Variants in ADAP2 observed in about 807,000 individuals in gnomAD.
ADAP2 encodes the protein arf-GAP with dual PH domain-containing protein 2.
Under a neutral mutation model 54.9 loss-of-function variants are expected in ADAP2, and 42 were observed. The ratio of observed to expected loss-of-function variants is 0.77; its 90% CI spans 0.60 to 0.99. The LOEUF (loss-of-function observed/expected upper bound fraction) is 0.99. Ranked by LOEUF, ADAP2 falls within the 50% of genes least tolerant of loss-of-function variation. The pLI is 0.00. For synonymous variants in ADAP2, 177 were observed against 180.1 expected, an observed-to-expected ratio of 0.98 and a Z score of 0.14; for missense variants, 429 against 480.4, an observed-to-expected ratio of 0.89 and a Z score of 1.00.
chr17:30,933,518 C>T (rs1275772109), intron 4 of ADAP2, among the ~76,000 whole-genome samples: 2 of 147,784 alleles, frequency 1.4e-5, no homozygotes, highest in South Asian at 2.2e-4. Flanking sequence ...AGCAGATGCC[C>T]GGAGGGAGTC....
intron 9 of ADAP2, among the ~76,000 whole-genome samples, chr17:30,955,022 G>A (rs952563109): frequency 1.3e-5 from 2 of 152,060 alleles, no homozygotes; most frequent in African/African-American, 4.8e-5. Context: ...CCCAGAGGTT[G>A]CCATGATGGT....
chr17:30,932,325 C>T (rs907055739), intron 4 of ADAP2, among the ~76,000 whole-genome samples: 2 of 151,454 alleles, frequency 1.3e-5, no homozygotes, highest in Non-Finnish European at 2.9e-5. Flanking sequence ...TTCAATCTCC[C>T]GGGCTCACAT....
chr17:30,944,218 C>T (rs1912486034), intron 5 of ADAP2, among the ~76,000 whole-genome samples: 1 of 152,134 alleles, frequency 6.6e-6, no homozygotes. Context: ...AGAATGAGAT[C>T]ATGTTCTCTC....
At chr17:30,935,510 C>T (rs1243766769) in intron 5 of ADAP2, among the ~76,000 whole-genome samples, 4 of 152,072 alleles carry the variant, frequency 2.6e-5, no homozygotes, top group African/African-American at 9.7e-5. Context: ...CAAATGTGAG[C>T]ACTGAGTTAC....
Position 30,954,474 on chromosome 17 carries a change from G to T in ADAP2, c.805-4G>T, listed in dbSNP as rs757049256. The T allele has an allele frequency of 1.2e-6, 2 of 1,613,900 alleles. No individual in the cohort carries two copies. The highest frequency in any genetic ancestry group is 2.2e-5 in the South Asian group (2 of 91,084). On this transcript the variant is annotated splice_polypyrimidine_tract_variant and splice_region_variant and intron_variant, in intron 8 of 10. Transcript: ENST00000330889. ...TCTGTGGTAAGAAGTTCCCTCTTTT[G>T]CAGCAGAAAGAACCTTTCAAGAAAA...
chr17:30,954,417 CT>C (rs1904905285), intron 8 of ADAP2, 60 bp from the exon 9 acceptor site: 3 of 1,502,996 alleles, frequency 2.0e-6, no homozygotes, highest in Admixed American at 3.3e-5. Flanking sequence ...GGGCTGGCCC[CT>C]GACCTCTATC....
intron 4 of ADAP2, among the ~76,000 whole-genome samples, chr17:30,932,893 A>C (rs188414114): frequency 6.6e-6 from 1 of 152,254 alleles, no homozygotes; most frequent in East Asian, 1.9e-4. Context: ...AAATTGCAGA[A>C]AGACTCCTCC....
At chr17:30,931,774 T>C in intron 3 of ADAP2, 115 bp from the exon 4 acceptor site, 1 of 676,152 alleles carries the variant, frequency 1.5e-6, no homozygotes, top group South Asian at 1.9e-5. Context: ...TGAGCCGTGA[T>C]CACGTGATCA....
At chr17:30,949,181 T>G in intron 6 of ADAP2, 106 bp from the exon 7 acceptor site, 1 of 842,468 alleles carries the variant, frequency 1.2e-6, no homozygotes, top group Non-Finnish European at 2.0e-6. Flanking sequence ...GTGCTGAATA[T>G]ATGTGCCCCA....
In ADAP2 at chr17:30,934,258, G is replaced by A. The variant is rs765096320; in HGVS notation, c.471G>A (p.Leu157=). 2 of 1,614,006 alleles carry A rather than the reference G, an allele frequency of 1.2e-6. No homozygotes were observed. Among genetic ancestry groups the A allele is most frequent in the East Asian group, 4.5e-5 (2 of 44,868 alleles). The change falls in exon 5 of 11, where the codon CTG becomes CTA. Residue 157 remains leucine (L), a synonymous_variant. Transcript: ENST00000330889. ...SQFLRRKFVL[L]AREGLLKYFT... The stretch of plus-strand genomic sequence containing the variant: ...TTCTGAGAAGGAAGTTTGTACTTCT[G>A]GCAAGAGAAGGCCTCCTGAAGTACT...
chr17:30,936,058 C>T (rs1176906723), intron 5 of ADAP2, among the ~76,000 whole-genome samples: 1 of 152,156 alleles, frequency 6.6e-6, no homozygotes, highest in African/African-American at 2.4e-5. Flanking sequence ...TGTAATCCCC[C>T]ACCCCACCCC....
chr17:30,925,341 C>T (rs780494431), intron 2 of ADAP2, among the ~76,000 whole-genome samples: 16 of 151,666 alleles, frequency 1.1e-4, no homozygotes, highest in Non-Finnish European at 2.2e-4. Context: ...AGGCGCCCGC[C>T]ACCATGCCCG....
At chr17:30,950,429 C>T (rs1479721167) in intron 7 of ADAP2, among the ~76,000 whole-genome samples, 2 of 152,170 alleles carry the variant, frequency 1.3e-5, no homozygotes, top group Admixed American at 1.3e-4. Context: ...CCTGCAGGTC[C>T]TGGCACCCCT....
intron 6 of ADAP2, among the ~76,000 whole-genome samples, chr17:30,946,751 C>T (rs139874844): frequency 6.6e-6 from 1 of 152,236 alleles, no homozygotes; most frequent in African/African-American, 2.4e-5. Flanking sequence ...GAAAACAAGC[C>T]CCACATTATT....
Position 30,944,896 on chromosome 17 carries a change from C to T in ADAP2, c.511-11C>T, listed in dbSNP as rs767578325. 5.0e-6 allele frequency: 8 copies of T among 1,611,360 alleles called. 1 individual carries two copies. Among genetic ancestry groups the T allele is most frequent in the Non-Finnish European group, 6.8e-6 (8 of 1,179,346 alleles). On this transcript the variant is annotated splice_polypyrimidine_tract_variant and intron_variant, in intron 5 of 10. Transcript: ENST00000330889. ...ACTGTCAGCGTCTTTCTTTCTCTTTCTCTCTTTCAGGGTAAAAGCCCCAAA... is the reference window on the plus strand; with the variant it reads ...ACTGTCAGCGTCTTTCTTTCTCTTTTTCTCTTTCAGGGTAAAAGCCCCAAA...
intron 2 of ADAP2, among the ~76,000 whole-genome samples, chr17:30,925,133 C>T (rs1910934530): frequency 6.6e-6 from 1 of 151,448 alleles, no homozygotes; most frequent in Non-Finnish European, 1.5e-5. Flanking sequence ...ATCCACCCGC[C>T]TCGGCCTCCC....
At position 30,934,265 on chromosome 17, in the gene ADAP2, G is replaced by A; in HGVS notation, c.478G>A (p.Glu160Lys). 6.2e-7 allele frequency: 1 copy of A among 1,614,058 alleles called. No individual in the cohort carries two copies. The highest frequency in any genetic ancestry group is 8.5e-7 in the Non-Finnish European group (1 of 1,179,954). Residue 160 changes from glutamate (E) to lysine (K), a missense_variant, in exon 5 of 11, where the codon GAA becomes AAA. By Grantham distance (56) the Glu-to-Lys change is moderately conservative. Transcript: ENST00000330889. ...LRRKFVLLAR[E>K]GLLKYFTKEQ... is the part of the protein sequence containing the mutation. ...AAGGAAGTTTGTACTTCTGGCAAGA[G>A]AAGGCCTCCTGAAGTACTTCACAAA...
intron 7 of ADAP2, among the ~76,000 whole-genome samples, chr17:30,951,791 G>C (rs1014562393): frequency 6.6e-6 from 1 of 151,740 alleles, no homozygotes. Context: ...GAGTAGCTGG[G>C]ACTACAGGCG....
chr17:30,948,083 G>A (rs16968287), intron 6 of ADAP2, among the ~76,000 whole-genome samples: 31,872 of 152,188 alleles, frequency 0.21, 10,505 homozygotes, highest in African/African-American at 0.7. Flanking sequence ...GGAATGTTTT[G>A]CGTAAAAGGT....
Sources: gnomAD v4.1 joint callset for allele counts (sites outside exome capture counted in the v4.1 genomes callset) on GRCh38, gnomAD v4.1.1 for gene constraint, MANE v1.5 for transcripts, NCBI Gene and HGNC (gene_info 2026-07-23, HGNC 2026-07-21) for gene names.